Variants in BCL2 observed in about 807,000 individuals in gnomAD.
BCL2 encodes the protein apoptosis regulator Bcl-2.
BCL2 carries 1 observed loss-of-function variant against 14.2 expected under a neutral mutation model. That is an observed-to-expected ratio of 0.07 (90% CI 0.02 to 0.33). The LOEUF is 0.33. BCL2 is among the 10% of genes least tolerant of loss of function. The pLI, the probability that BCL2 is intolerant of heterozygous loss-of-function variation, is 0.99. For missense variants in BCL2, 247 were observed against 305.9 expected, an observed-to-expected ratio of 0.81 and a Z score of 1.44; for synonymous variants, 151 against 137.2, an observed-to-expected ratio of 1.10 and a Z score of -0.70.
chr18:63,123,876 CTCAG>C lies in BCL2; in HGVS notation c.*4745_*4748del. ...CAAAAGGTTTAGGTGCATGGATTTACTCAGTATCTACACTACAGTCTTATTTATT... is the reference window on the plus strand; with the variant it reads ...CAAAAGGTTTAGGTGCATGGATTTACTATCTACACTACAGTCTTATTTATT... On this transcript the variant is annotated 3_prime_UTR_variant, in exon 3 of 3. Coordinates refer to ENST00000333681, the MANE Select transcript of BCL2 (RefSeq NM_000633.3). 4.6e-6 allele frequency: 1 copy of C among 218,608 alleles called. No homozygotes were observed. The highest frequency in any genetic ancestry group is 9.2e-6 in the Non-Finnish European group (1 of 108,860). 13.5% of individuals were successfully genotyped at this position (218,608 alleles called of 1,614,324 possible).
At chr18:63,189,219 A>G (rs1177871385) in intron 2 of BCL2, among the ~76,000 whole-genome samples, 3 of 151,816 alleles carry the variant, frequency 2.0e-5, no homozygotes, top group Non-Finnish European at 2.9e-5. Context: ...AAAGAAAAAC[A>G]ACCTAGGCTT....
At chr18:63,135,255 C>T (rs1180816550) in intron 2 of BCL2, among the ~76,000 whole-genome samples, 1 of 152,140 alleles carries the variant, frequency 6.6e-6, no homozygotes, top group Non-Finnish European at 1.5e-5. Context: ...TCCCTGCCTC[C>T]CTCAACTTGC....
At chr18:63,227,465 C>G (rs1175211050) in intron 2 of BCL2, among the ~76,000 whole-genome samples, 2 of 152,200 alleles carry the variant, frequency 1.3e-5, no homozygotes, top group African/African-American at 4.8e-5. Context: ...CTGCCTCAGC[C>G]TCTCAAAGTG....
intron 2 of BCL2, among the ~76,000 whole-genome samples, chr18:63,154,570 A>C (rs1481451681): frequency 6.6e-6 from 1 of 152,166 alleles, no homozygotes; most frequent in Non-Finnish European, 1.5e-5. Context: ...GTTCCTCTAC[A>C]GATCCTGGCT....
At chr18:63,252,650 C>T (rs1911350198) in intron 2 of BCL2, among the ~76,000 whole-genome samples, 1 of 152,190 alleles carries the variant, frequency 6.6e-6, no homozygotes, top group South Asian at 2.1e-4. Context: ...GTGACTTGAT[C>T]CTCTCCTCTT....
chr18:63,161,461 G>A (rs961880379), intron 2 of BCL2, among the ~76,000 whole-genome samples: 1 of 152,172 alleles, frequency 6.6e-6, no homozygotes. Flanking sequence ...GAAGACCTTC[G>A]AGGCTCAGCT....
intron 2 of BCL2, among the ~76,000 whole-genome samples, chr18:63,227,810 C>T (rs1381502003): frequency 6.6e-6 from 1 of 152,138 alleles, no homozygotes; most frequent in Non-Finnish European, 1.5e-5. Context: ...AAGCCTAAAA[C>T]ACAAGGATTA....
chr18:63,241,838 C>T (rs4987758), intron 2 of BCL2, among the ~76,000 whole-genome samples: 188 of 152,294 alleles, frequency 1.2e-3, no homozygotes, highest in African/African-American at 4.3e-3. Flanking sequence ...ACTCTTGTCT[C>T]GCTATCAGGT....
At chr18:63,194,890 A>T (rs1161812480) in intron 2 of BCL2, among the ~76,000 whole-genome samples, 1 of 152,186 alleles carries the variant, frequency 6.6e-6, no homozygotes, top group Non-Finnish European at 1.5e-5. Context: ...CAGCTTCAGG[A>T]TCTGAGAGTC....
intron 2 of BCL2, among the ~76,000 whole-genome samples, chr18:63,181,266 C>G (rs939292147): frequency 6.6e-6 from 1 of 152,190 alleles, no homozygotes; most frequent in Non-Finnish European, 1.5e-5. Flanking sequence ...TGGCTGCTGG[C>G]CCTGGCACGC....
chr18:63,203,546 C>G (rs930443081), intron 2 of BCL2, among the ~76,000 whole-genome samples: 1 of 152,140 alleles, frequency 6.6e-6, no homozygotes, highest in Non-Finnish European at 1.5e-5. Flanking sequence ...GATACAAGTC[C>G]CTACTAGTAA....
At chr18:63,246,862 AGCCATG>A (rs545113017) in intron 2 of BCL2, among the ~76,000 whole-genome samples, 221 of 152,366 alleles carry the variant, frequency 1.5e-3, no homozygotes, top group South Asian at 5.0e-3. Flanking sequence ...ACATTCCTAA[AGCCATG>A]GCCCATTCTT....
intron 2 of BCL2, among the ~76,000 whole-genome samples, chr18:63,169,805 G>A (rs1423856324): frequency 6.6e-6 from 1 of 152,106 alleles, no homozygotes; most frequent in Admixed American, 6.5e-5. Flanking sequence ...TTACAGGTGT[G>A]AGCCACCGTG....
intron 2 of BCL2, among the ~76,000 whole-genome samples, chr18:63,207,284 C>G (rs936727786): frequency 1.3e-5 from 2 of 152,184 alleles, no homozygotes; most frequent in Admixed American, 6.5e-5. Context: ...TCATCTAATT[C>G]ATTTGTGTAC....
At chr18:63,151,819 G>A (rs1599210948) in intron 2 of BCL2, among the ~76,000 whole-genome samples, 1 of 152,198 alleles carries the variant, frequency 6.6e-6, no homozygotes, top group East Asian at 1.9e-4. Context: ...GAAACCAAAT[G>A]CCCCCCAAAC....
At chr18:63,167,062 G>C (rs1323075264) in intron 2 of BCL2, among the ~76,000 whole-genome samples, 2 of 152,224 alleles carry the variant, frequency 1.3e-5, no homozygotes, top group African/African-American at 4.8e-5. Flanking sequence ...TGTGGGAAAG[G>C]TGATGGGAGC....
At chr18:63,265,035 A>G (rs993790634) in intron 2 of BCL2, among the ~76,000 whole-genome samples, 1 of 152,148 alleles carries the variant, frequency 6.6e-6, no homozygotes, top group African/African-American at 2.4e-5. Flanking sequence ...CTGGGAGAAC[A>G]GCTGCGTGGC....
intron 2 of BCL2, chr18:63,316,143 G>C (rs1419610639): frequency 6.6e-6 from 1 of 152,444 alleles, no homozygotes; most frequent in Admixed American, 6.5e-5. Flanking sequence ...AAAAAAGTGA[G>C]CCTTTACTTA....
chr18:63,177,581 G>T (rs1439059774), intron 2 of BCL2, among the ~76,000 whole-genome samples: 7 of 152,196 alleles, frequency 4.6e-5, no homozygotes, highest in Non-Finnish European at 7.3e-5. Flanking sequence ...TAGACAACTG[G>T]AATCTTTGCT....
Sources: allele counts gnomAD v4.1 joint callset (sites outside exome capture counted in the v4.1 genomes callset), GRCh38; gene constraint gnomAD v4.1.1; transcripts MANE v1.5; gene names NCBI Gene and HGNC (gene_info 2026-07-23, HGNC 2026-07-21).